The following ATP2B2 variants were observed in gnomAD, a reference collection of about 807,000 sequenced individuals.
ATP2B2 encodes plasma membrane calcium-transporting ATPase 2.
A neutral mutation model predicts 120.0 loss-of-function variants in ATP2B2; 15 were observed. That is an observed-to-expected ratio of 0.12 (90% confidence interval 0.08 to 0.19). The LOEUF (loss-of-function observed/expected upper bound fraction) is 0.19, where lower values mean the gene tolerates loss of function less well. ATP2B2 is among the 10% of genes least tolerant of loss of function. The probability of loss-of-function intolerance (pLI) is 1.00; values close to 1 mark genes in which losing one functional copy is unlikely to be tolerated. For missense variants in ATP2B2, 1,045 were observed against 1,719.8 expected, an observed-to-expected ratio of 0.61 and a Z score of 6.94; for synonymous variants, 694 against 700.3, an observed-to-expected ratio of 0.99 and a Z score of 0.14.
chr3:10,690,406 T>C (rs901593858), intron 1 of ATP2B2, among the ~76,000 whole-genome samples: 6 of 151,794 alleles, frequency 4.0e-5, no homozygotes, highest in African/African-American at 9.7e-5. Context: ...AGCTAACATA[T>C]AGAAAAAAAC....
At chr3:10,509,673 G>A (rs1380826437), upstream of ATP2B2, among the ~76,000 whole-genome samples, 3 of 152,124 alleles carry the variant, frequency 2.0e-5, no homozygotes, top group East Asian at 5.8e-4. Context: ...AGACCTTGAC[G>A]GGCCGTGGAC....
At chr3:10,555,066 T>C (rs1021111525) in intron 2 of ATP2B2, among the ~76,000 whole-genome samples, 2 of 152,214 alleles carry the variant, frequency 1.3e-5, no homozygotes, top group South Asian at 4.1e-4. Context: ...GGTACTCTCC[T>C]CCTTTTCGCC....
chr3:10,637,569 A>T (rs572112642), intron 1 of ATP2B2, among the ~76,000 whole-genome samples: 111 of 152,338 alleles, frequency 7.3e-4, no homozygotes, highest in Admixed American at 2.7e-3. Flanking sequence ...GAACTTGAAG[A>T]TAGCAATAGA....
At chr3:10,405,768 C>G (rs2062390439) in intron 3 of ATP2B2, among the ~76,000 whole-genome samples, 3 of 152,172 alleles carry the variant, frequency 2.0e-5, no homozygotes, top group Non-Finnish European at 4.4e-5. Flanking sequence ...AATGGTGAAC[C>G]TGCCTCCCAG....
At chr3:10,376,611 G>A (rs1356130319) in intron 10 of ATP2B2, among the ~76,000 whole-genome samples, 1 of 152,208 alleles carries the variant, frequency 6.6e-6, no homozygotes, top group East Asian at 1.9e-4. Flanking sequence ...CAGGTGCTGC[G>A]GAGACTGCTC....
intron 2 of ATP2B2, among the ~76,000 whole-genome samples, chr3:10,594,114 T>C (rs2068706522): frequency 6.6e-6 from 1 of 152,332 alleles, no homozygotes; most frequent in South Asian, 2.1e-4. Context: ...TTTACACTGT[T>C]GGTGGGAGTG....
intron 3 of ATP2B2, among the ~76,000 whole-genome samples, chr3:10,512,023 T>G (rs2125438443): frequency 6.6e-6 from 1 of 152,272 alleles, no homozygotes; most frequent in South Asian, 2.1e-4. Flanking sequence ...ACCTACTGTG[T>G]GCCAGGCTCT....
intron 1 of ATP2B2, among the ~76,000 whole-genome samples, chr3:10,451,870 AAAC>A (rs1335691501): frequency 6.6e-6 from 1 of 152,226 alleles, no homozygotes; most frequent in Non-Finnish European, 1.5e-5. Flanking sequence ...GAATAAAAAC[AAAC>A]AACAATACTC....
intron 1 of ATP2B2, among the ~76,000 whole-genome samples, chr3:10,707,369 C>T (rs983692188): frequency 6.6e-6 from 1 of 152,188 alleles, no homozygotes; most frequent in Non-Finnish European, 1.5e-5. Flanking sequence ...TCTCCTAGCT[C>T]TCCTGGCTCC....
intron 2 of ATP2B2, among the ~76,000 whole-genome samples, chr3:10,597,788 A>G (rs934109948): frequency 1.3e-5 from 2 of 152,210 alleles, no homozygotes; most frequent in African/African-American, 4.8e-5. Flanking sequence ...TAAACTCTAC[A>G]TACATTTCAG....
intron 2 of ATP2B2, among the ~76,000 whole-genome samples, chr3:10,551,053 C>T (rs931417458): frequency 6.6e-6 from 1 of 152,156 alleles, no homozygotes; most frequent in Non-Finnish European, 1.5e-5. Context: ...ACCTTCTGCT[C>T]CCTCTACTCT....
At chr3:10,388,819 T>C (rs2061759813) in intron 5 of ATP2B2, among the ~76,000 whole-genome samples, 1 of 152,222 alleles carries the variant, frequency 6.6e-6, no homozygotes, top group Non-Finnish European at 1.5e-5. Context: ...TTTACAGCTA[T>C]TGCAGCATTG....
upstream of ATP2B2, among the ~76,000 whole-genome samples, chr3:10,508,163 C>T (rs7633661): frequency 0.091 from 13,875 of 152,206 alleles, 2,054 homozygotes; most frequent in African/African-American, 0.31. Flanking sequence ...TGTCTTTCAG[C>T]GCCTGCATCC....
chr3:10,437,883 CAG>C (rs971022209), intron 2 of ATP2B2, among the ~76,000 whole-genome samples: 4 of 152,190 alleles, frequency 2.6e-5, no homozygotes, highest in African/African-American at 7.2e-5. Flanking sequence ...GAAATTTGGG[CAG>C]AGAGACAGAT....
chr3:10,534,957 G>C (rs1164567601), intron 2 of ATP2B2, among the ~76,000 whole-genome samples: 6 of 134,118 alleles, frequency 4.5e-5, no homozygotes, highest in Non-Finnish European at 7.7e-5. Flanking sequence ...AGGCTGGAGT[G>C]CAATGGCATG....
Position 10,378,138 on chromosome 3 carries a change from C to T in ATP2B2, c.1201+114G>A, listed in dbSNP as rs1424366961. On this transcript the variant is annotated intron_variant, in intron 10 of 22. Transcript: ENST00000360273. ...GGTAGAGAAAGGTGGGCTTCAGGCACTCATTCAAGCCCCCCACTTTGCAGA... is the reference window on the plus strand; with the variant it reads ...GGTAGAGAAAGGTGGGCTTCAGGCATTCATTCAAGCCCCCCACTTTGCAGA... The T allele has an allele frequency of 2.8e-6, 4 of 1,410,534 alleles. No homozygotes were observed. The African/African-American group carries it at 5.7e-5, about 20-fold the overall frequency. 87.4% of individuals were successfully genotyped at this position (1,410,534 alleles called of 1,614,324 possible).
chr3:10,508,736 G>C (rs1279689809), upstream of ATP2B2, among the ~76,000 whole-genome samples: 2 of 152,216 alleles, frequency 1.3e-5, no homozygotes, highest in Non-Finnish European at 2.9e-5. Flanking sequence ...TATTGGACAG[G>C]CAGAGGTGTT....
intron 2 of ATP2B2, among the ~76,000 whole-genome samples, chr3:10,417,153 G>T (rs2062819752): frequency 6.6e-6 from 1 of 151,550 alleles, no homozygotes; most frequent in Non-Finnish European, 1.5e-5. Context: ...AGATGGGGCG[G>T]TGGCCAGGCA....
upstream of ATP2B2, among the ~76,000 whole-genome samples, chr3:10,507,263 A>G (rs1260392885): frequency 6.6e-6 from 1 of 152,150 alleles, no homozygotes; most frequent in Non-Finnish European, 1.5e-5. Context: ...CAATAGCCCA[A>G]GACTGGGGGC....
Sources: allele counts gnomAD v4.1 joint callset (sites outside exome capture counted in the v4.1 genomes callset), GRCh38; gene constraint gnomAD v4.1.1; transcripts MANE v1.5; gene names NCBI Gene and HGNC (gene_info 2026-07-23, HGNC 2026-07-21).